TENM4: variants seen among roughly 807,000 people sequenced by gnomAD.
The protein encoded by TENM4 is teneurin-4.
A neutral mutation model predicts 243.3 loss-of-function variants in TENM4; 82 were observed. That is an observed-to-expected ratio of 0.34 (90% CI 0.28 to 0.40). TENM4 has a LOEUF of 0.40. Ranked by LOEUF, TENM4 falls within the 10% of genes least tolerant of loss-of-function variation. The pLI, the probability that TENM4 is intolerant of heterozygous loss-of-function variation, is 1.00. For missense variants in TENM4, 3,138 were observed against 3,673.3 expected (o/e 0.85, Z 3.77); for synonymous variants, 1,412 against 1,456.3 (o/e 0.97, Z 0.69).
At chr11:79,149,553 A>T (rs1261769232) in intron 3 of TENM4, among the ~76,000 whole-genome samples, 1 of 41,500 alleles carries the variant, frequency 2.4e-5, no homozygotes, top group African/African-American at 2.5e-4. Flanking sequence ...ATAGGTTTTT[A>T]AAAAACATCT....
chr11:78,925,326 T>G (rs910321206), intron 6 of TENM4, among the ~76,000 whole-genome samples: 12 of 151,952 alleles, frequency 7.9e-5, no homozygotes, highest in Non-Finnish European at 2.9e-5. Flanking sequence ...AAAGTGTGTA[T>G]GTATGTGTGT....
At chr11:79,167,277 C>T (rs183609139) in intron 3 of TENM4, among the ~76,000 whole-genome samples, 3 of 152,258 alleles carry the variant, frequency 2.0e-5, no homozygotes, top group Non-Finnish European at 2.9e-5. Flanking sequence ...AGAACAATGG[C>T]CTGGTCTTTG....
chr11:78,728,537 C>T (rs943535920), intron 22 of TENM4, among the ~76,000 whole-genome samples: 2 of 150,876 alleles, frequency 1.3e-5, no homozygotes, highest in African/African-American at 4.9e-5. Context: ...CTCCTTCCCT[C>T]CCTCTCTTCC....
At chr11:79,129,913 T>G (rs1314403649) in intron 4 of TENM4, among the ~76,000 whole-genome samples, 3 of 152,174 alleles carry the variant, frequency 2.0e-5, no homozygotes, top group Non-Finnish European at 4.4e-5. Flanking sequence ...TGTCACCTCC[T>G]GGCAGGAGGC....
intron 1 of TENM4, among the ~76,000 whole-genome samples, chr11:79,370,779 TAAAAAAAAAAAAAAA>T (rs544196671): frequency 1.6e-4 from 9 of 57,166 alleles, no homozygotes; most frequent in Non-Finnish European, 2.3e-4. Flanking sequence ...ACTCCTATGG[TAAAAAAAAAAAAAAA>T]AAAAAAAAAA....
At chr11:79,193,850 G>A (rs551625337) in intron 3 of TENM4, among the ~76,000 whole-genome samples, 1 of 152,278 alleles carries the variant, frequency 6.6e-6, no homozygotes, top group African/African-American at 2.4e-5. Flanking sequence ...TTTCAGGAGG[G>A]GTATGAAGGA....
rs563659118 is a variant in TENM4 at position 79,342,299 on chromosome 11, C to T, written c.-320-44756G>A. Among the ~76,000 whole-genome samples the T allele has an allele frequency of 1.7e-3, 262 of 152,074 alleles. 1 individual carries two copies. The highest frequency in any genetic ancestry group is 2.5e-3 in the Non-Finnish European group (170 of 67,996). ...AAGGTAGGTGTGACTGCATGGACCG[C>T]GATGAGATGAGGAGAGGGCTTCGCA... is the stretch of plus-strand genomic sequence containing the variant. On this transcript the variant is annotated intron_variant, in intron 1 of 33. Coordinates refer to ENST00000278550, the MANE Select transcript of TENM4 (RefSeq NM_001098816.3).
intron 3 of TENM4, among the ~76,000 whole-genome samples, chr11:79,212,748 C>G (rs1318807824): frequency 2.6e-5 from 4 of 152,184 alleles, no homozygotes; most frequent in Non-Finnish European, 5.9e-5. Context: ...CGTCTCCCTC[C>G]TCCACAGTGT....
At chr11:78,794,612 AAG>A (rs1857124835) in intron 15 of TENM4, among the ~76,000 whole-genome samples, 1 of 152,176 alleles carries the variant, frequency 6.6e-6, no homozygotes, top group African/African-American at 2.4e-5. Flanking sequence ...TTGAGATCAG[AAG>A]TGGTGAATGG....
chr11:78,662,146 T>G (rs1189352567), intron 32 of TENM4, among the ~76,000 whole-genome samples: 2 of 151,734 alleles, frequency 1.3e-5, no homozygotes, highest in East Asian at 3.9e-4. Flanking sequence ...CCTTTTATAC[T>G]CTGACAGCCC....
chr11:78,676,411 C>T, intron 29 of TENM4, 24 bp from the exon 30 acceptor site: 1 of 1,566,582 alleles, frequency 6.4e-7, no homozygotes, highest in Non-Finnish European at 8.7e-7. Context: ...CAAGCACAGA[C>T]TGCTCAGAAG....
At chr11:78,801,621 A>G (rs1174031184) in intron 15 of TENM4, among the ~76,000 whole-genome samples, 1 of 152,230 alleles carries the variant, frequency 6.6e-6, no homozygotes, top group Non-Finnish European at 1.5e-5. Context: ...TGTTGATTTA[A>G]GCTGCTTTCA....
chr11:78,881,210 G>C (rs908524532), intron 9 of TENM4, among the ~76,000 whole-genome samples: 4 of 152,150 alleles, frequency 2.6e-5, no homozygotes, highest in African/African-American at 9.7e-5. Context: ...CATGGCTAGG[G>C]AAAGGAATTA....
At chr11:78,954,650 C>G (rs61882026) in intron 6 of TENM4, among the ~76,000 whole-genome samples, 2,533 of 152,262 alleles carry the variant, frequency 0.017, 41 homozygotes, top group Admixed American at 0.056. Context: ...CAGTTACCTT[C>G]TATTTATGGC....
At chr11:78,756,720 C>A (rs1445169916) in intron 19 of TENM4, 85 bp downstream of exon 19, 1 of 1,331,022 alleles carries the variant, frequency 7.5e-7, no homozygotes, top group Non-Finnish European at 1.0e-6. Context: ...GGCTTCCTCC[C>A]ACCCCCATTC....
At chr11:78,798,519 A>G (rs1857211808) in intron 15 of TENM4, among the ~76,000 whole-genome samples, 1 of 152,186 alleles carries the variant, frequency 6.6e-6, no homozygotes, top group African/African-American at 2.4e-5. Context: ...AAGAGATCTG[A>G]TGTGGAGTCT....
intron 1 of TENM4, among the ~76,000 whole-genome samples, chr11:79,348,059 G>A (rs907258522): frequency 5.3e-5 from 8 of 152,124 alleles, no homozygotes; most frequent in African/African-American, 1.4e-4. Flanking sequence ...GATTACAGGC[G>A]TGAGCCACCG....
At chr11:79,180,433 T>C (rs143452962) in intron 3 of TENM4, among the ~76,000 whole-genome samples, 11 of 151,676 alleles carry the variant, frequency 7.3e-5, no homozygotes, top group Admixed American at 2.6e-4. Context: ...AGCCAAGTAG[T>C]CAGGCAGAAT....
chr11:79,175,501 A>G (rs1160833148), intron 3 of TENM4, among the ~76,000 whole-genome samples: 1 of 152,228 alleles, frequency 6.6e-6, no homozygotes, highest in Non-Finnish European at 1.5e-5. Context: ...ACGCAATACA[A>G]TGCAGCCTTA....
Sources: allele counts gnomAD v4.1 joint callset (sites outside exome capture counted in the v4.1 genomes callset), GRCh38; gene constraint gnomAD v4.1.1; transcripts MANE v1.5; gene names NCBI Gene and HGNC (gene_info 2026-07-23, HGNC 2026-07-21).